The following BEND3 variants were observed in gnomAD, a reference collection of about 807,000 sequenced individuals.
BEND3 encodes BEN domain containing 3.
Under a neutral mutation model 60.1 loss-of-function variants are expected in BEND3, and 13 were observed. The observed-to-expected ratio is 0.22, with a 90% CI of 0.14 to 0.34. The LOEUF (loss-of-function observed/expected upper bound fraction) is 0.34, where lower values mean the gene tolerates loss of function less well. BEND3 is among the 10% of genes least tolerant of loss of function. The pLI is 1.00. For synonymous variants in BEND3, 497 were observed against 491.5 expected (o/e 1.01, Z -0.15); for missense variants, 896 against 1,138.1 (o/e 0.79, Z 3.06).
chr6:107,080,371 A>AAAAAAAAAC (rs1775204537), intron 3 of BEND3, among the ~76,000 whole-genome samples: 1 of 119,170 alleles, frequency 8.4e-6, no homozygotes, highest in Non-Finnish European at 1.6e-5. Context: ...AAAAAAAAAA[A>AAAAAAAAAC]AAAAAACAAA....
At chr6:107,074,524 G>A (rs568054923) in intron 3 of BEND3, among the ~76,000 whole-genome samples, 2 of 152,262 alleles carry the variant, frequency 1.3e-5, no homozygotes, top group South Asian at 4.1e-4. Context: ...TAGGGGAGTT[G>A]TAATGACACT....
At chr6:107,087,023 TAAA>T (rs58435912) in intron 3 of BEND3, among the ~76,000 whole-genome samples, 1 of 80,834 alleles carries the variant, frequency 1.2e-5, no homozygotes, top group Non-Finnish European at 2.4e-5. Context: ...AGACTCTGTC[TAAA>T]AAAAAAAAAA....
intron 3 of BEND3, among the ~76,000 whole-genome samples, chr6:107,081,655 G>A (rs1554233573): frequency 1.3e-5 from 2 of 152,034 alleles, no homozygotes; most frequent in African/African-American, 4.8e-5. Flanking sequence ...AGTCATATGA[G>A]AAATACGCCA....
At chr6:107,084,933 G>A (rs1554233995) in intron 3 of BEND3, among the ~76,000 whole-genome samples, 2 of 152,190 alleles carry the variant, frequency 1.3e-5, no homozygotes, top group African/African-American at 4.8e-5. Flanking sequence ...ACCCATTCGG[G>A]TCCCCTTCCA....
chr6:107,085,847 C>T (rs1165014100), intron 3 of BEND3, among the ~76,000 whole-genome samples: 3 of 149,232 alleles, frequency 2.0e-5, no homozygotes, highest in Admixed American at 6.8e-5. Context: ...AGTGCAGTGG[C>T]CCGATCTCGG....
At chr6:107,094,666 A>G (rs1167158380) in intron 3 of BEND3, among the ~76,000 whole-genome samples, 1 of 151,024 alleles carries the variant, frequency 6.6e-6, no homozygotes, top group Non-Finnish European at 1.5e-5. Flanking sequence ...AAATAAATAA[A>G]ACGAACAACA....
At chr6:107,086,938 T>C (rs182955780) in intron 3 of BEND3, among the ~76,000 whole-genome samples, 2 of 151,118 alleles carry the variant, frequency 1.3e-5, no homozygotes, top group African/African-American at 2.4e-5. Flanking sequence ...GGCAGGAGAA[T>C]TGCTTGAACC....
chr6:107,068,750 C>T lies in BEND3; in HGVS notation c.2441G>A (p.Arg814Lys). The change falls in exon 4 of 4, where the codon AGG becomes AAG. Residue 814 changes from arginine (R) to lysine (K), a missense_variant. Coordinates refer to ENST00000369042, the MANE Select transcript of BEND3 (RefSeq NM_001367314.1). This position sits in a 1 kb window ranked among gnomAD's most constrained non-coding sequence, Gnocchi z 5.8. ...SIDERCRRPN[R>K]KKCDILKKAK... is the part of the protein sequence containing the mutation. ...TTTCTTGAGGATGTCGCATTTTTTCCTGTTGGGGCGGCGGCACCTCTCATC... is the reference window on the plus strand; with the variant it reads ...TTTCTTGAGGATGTCGCATTTTTTCTTGTTGGGGCGGCGGCACCTCTCATC... The T allele has an allele frequency of 6.2e-7, 1 of 1,613,618 alleles. No individual in the cohort carries two copies. The highest frequency in any genetic ancestry group is 8.5e-7 in the Non-Finnish European group (1 of 1,179,940).
rs145149409 is a variant in BEND3 at position 107,102,536 on chromosome 6, G to T, written c.-11-3240C>A. 6.2e-3 allele frequency among the ~76,000 whole-genome samples: 940 copies of T among 152,302 alleles called. 16 individuals carry two copies. The highest frequency in any genetic ancestry group is 0.022 in the African/African-American group (919 of 41,568). The stretch of plus-strand genomic sequence containing the variant: ...AAGGGGTGCTGGTGCGGCTGCCTGG[G>T]CATTCAAGACACCGAGTGCTTGTGC... On this transcript the variant is annotated intron_variant, in intron 1 of 3. Transcript: ENST00000369042.
At chr6:107,108,570 G>A (rs1439042087) in intron 1 of BEND3, among the ~76,000 whole-genome samples, 5 of 152,086 alleles carry the variant, frequency 3.3e-5, no homozygotes, top group South Asian at 2.1e-4. Flanking sequence ...ATTAGGGTTC[G>A]GGGCAGTTGG....
chr6:107,071,107 C>T (rs1774970785), intron 3 of BEND3, among the ~76,000 whole-genome samples, 157 bp from the exon 4 acceptor site: 1 of 152,174 alleles, frequency 6.6e-6, no homozygotes, highest in African/African-American at 2.4e-5. Flanking sequence ...CAAGGATGCA[C>T]CACTGATACA....
chr6:107,083,951 T>C (rs1554233872), intron 3 of BEND3, among the ~76,000 whole-genome samples: 1 of 152,140 alleles, frequency 6.6e-6, no homozygotes, highest in Non-Finnish European at 1.5e-5. Context: ...TACAATGGAA[T>C]ATTATTTGGC....
chr6:107,070,684 C>T lies in BEND3; in HGVS notation c.507G>A (p.Arg169=), dbSNP rs1774956300. 2.5e-6 allele frequency: 4 copies of T among 1,613,096 alleles called. No homozygotes were observed. The South Asian group carries it at 3.3e-5, about 13-fold the overall frequency. Reference sequence around the variant, plus strand: ...CCCGCTTCTGTGGCTCATTCAGGAGCCGCAGTGACGAGGGGCTGTTGCTGG... The same window carrying T: ...CCCGCTTCTGTGGCTCATTCAGGAGTCGCAGTGACGAGGGGCTGTTGCTGG... ...ANASNSPSSL[R]LLNEPQKRDC... is the part of the protein sequence containing the mutation. The change falls in exon 4 of 4, where the codon CGG becomes CGA. Residue 169 remains arginine (R), a synonymous_variant. Coordinates refer to ENST00000369042, the MANE Select transcript of BEND3 (RefSeq NM_001367314.1). The surrounding 1 kb of genome is among the most constrained non-coding windows in gnomAD (Gnocchi z 6.9).
At chr6:107,090,939 G>A (rs1031367845) in intron 3 of BEND3, among the ~76,000 whole-genome samples, 2 of 151,794 alleles carry the variant, frequency 1.3e-5, no homozygotes, top group African/African-American at 2.4e-5. Flanking sequence ...GCAAAACCCC[G>A]TCTCTACTAA....
chr6:107,092,050 A>G (rs1239802751), intron 3 of BEND3, among the ~76,000 whole-genome samples: 4 of 152,126 alleles, frequency 2.6e-5, no homozygotes, highest in African/African-American at 9.7e-5. Flanking sequence ...TGAGCTCAGG[A>G]GTTGGGGACC....
intron 1 of BEND3, among the ~76,000 whole-genome samples, chr6:107,113,030 C>T (rs1416549732): frequency 6.6e-6 from 1 of 152,026 alleles, no homozygotes; most frequent in African/African-American, 2.4e-5. Context: ...TGGTGGCACG[C>T]GCCTGTAGTC....
chr6:107,072,819 C>G (rs1268822379), intron 3 of BEND3, among the ~76,000 whole-genome samples: 1 of 151,958 alleles, frequency 6.6e-6, no homozygotes. Flanking sequence ...ACTGTCTCTA[C>G]TAAAAAAATA....
At chr6:107,105,077 A>C (rs1775783982) in intron 1 of BEND3, among the ~76,000 whole-genome samples, 1 of 152,096 alleles carries the variant, frequency 6.6e-6, no homozygotes, top group Non-Finnish European at 1.5e-5. Context: ...TATTTGGTTA[A>C]AAAGTCCACT....
At chr6:107,088,765 A>G (rs1328683670) in intron 3 of BEND3, among the ~76,000 whole-genome samples, 1 of 152,248 alleles carries the variant, frequency 6.6e-6, no homozygotes. Flanking sequence ...CTATGTGCCA[A>G]AAGTGAACAA....
Sources: gnomAD v4.1 joint callset for allele counts (sites outside exome capture counted in the v4.1 genomes callset) on GRCh38, gnomAD v4.1.1 for gene constraint, Gnocchi (gnomAD v3.1) non-coding constraint, MANE v1.5 for transcripts, NCBI Gene and HGNC (gene_info 2026-07-23, HGNC 2026-07-21) for gene names.